Variants in N4BP2 observed in about 807,000 individuals in gnomAD.
The protein encoded by N4BP2 is NEDD4 binding protein 2.
N4BP2 carries 91 observed loss-of-function variants against 152.8 expected under a neutral mutation model. The ratio of observed to expected loss-of-function variants is 0.60; its 90% CI spans 0.50 to 0.71. The LOEUF (loss-of-function observed/expected upper bound fraction) is 0.71. N4BP2 is among the 30% of genes least tolerant of loss of function. N4BP2 has a pLI of 0.00. For missense variants in N4BP2, 1,923 were observed against 2,059.1 expected (o/e 0.93, Z 1.28); for synonymous variants, 646 against 705.3 (o/e 0.92, Z 1.33).
Position 40,097,366 on chromosome 4 carries a change from G to A in N4BP2, c.26G>A (p.Gly9Glu). The change falls in exon 3 of 18, where the codon GGG becomes GAG. Residue 9 changes from glycine to glutamate, a missense_variant. Coordinates refer to ENST00000261435, the MANE Select transcript of N4BP2 (RefSeq NM_018177.6). MPRRRKNL[G>E]GNPFRKTANP... ...ATGCCAAGGAGAAGGAAAAATCTTG[G>A]GGGAAATCCTTTTCGGAAGACTGCA... The A allele has an allele frequency of 1.2e-6, 2 of 1,613,740 alleles. No homozygotes were observed. The highest frequency in any genetic ancestry group is 1.7e-6 in the Non-Finnish European group (2 of 1,179,764).
the N4BP2 span, among the ~76,000 whole-genome samples, chr4:40,179,907 G>A: frequency 6.6e-6 from 1 of 151,926 alleles, no homozygotes; most frequent in African/African-American, 2.4e-5. Flanking sequence ...TGGAATTACA[G>A]GCATGCGCCA....
chr4:40,133,483 A>G (rs1004289388), intron 13 of N4BP2, among the ~76,000 whole-genome samples: 5 of 151,844 alleles, frequency 3.3e-5, no homozygotes, highest in African/African-American at 9.7e-5. Context: ...TTACAGGCGC[A>G]CACCACTACG....
At chr4:40,096,876 G>A (rs1715154425) in intron 2 of N4BP2, among the ~76,000 whole-genome samples, 3 of 152,156 alleles carry the variant, frequency 2.0e-5, no homozygotes, top group South Asian at 2.1e-4. Flanking sequence ...TGAAGGGGGT[G>A]ATGAGGAGCT....
At chr4:40,073,997 G>A (rs1002070097) in intron 2 of N4BP2, among the ~76,000 whole-genome samples, 2 of 151,888 alleles carry the variant, frequency 1.3e-5, no homozygotes, top group Non-Finnish European at 2.9e-5. Context: ...TCTCCATGTT[G>A]GTCAGGCTGG....
chr4:40,097,701 C>A, intron 3 of N4BP2, 132 bp downstream of exon 3: 1 of 631,708 alleles, frequency 1.6e-6, no homozygotes, highest in Non-Finnish European at 2.7e-6. Context: ...CTGCTGTTGG[C>A]AAGTTACTAA....
At position 40,074,034 on chromosome 4, in the gene N4BP2, C is replaced by T. The variant is rs549093585; in HGVS notation, c.-115+483C>T. On this transcript the variant is annotated intron_variant, in intron 2 of 17. Transcript: ENST00000261435. ...CTCAAACTCCCAACCTCAGGTGATC[C>T]GCCCGCCTCAGCCTCCCAAAGTACT... Among the ~76,000 whole-genome samples, 26 of 152,186 alleles carry T rather than the reference C, an allele frequency of 1.7e-4. No homozygotes were observed. In the East Asian group the frequency reaches 3.9e-3, roughly 23 times the overall value.
intron 16 of N4BP2, among the ~76,000 whole-genome samples, chr4:40,150,405 G>A (rs1048729385): frequency 6.6e-6 from 1 of 152,204 alleles, no homozygotes; most frequent in Non-Finnish European, 1.5e-5. Context: ...GATGGCTCAT[G>A]CCTGTAATTC....
At chr4:40,062,233 C>T (rs1043981727) in intron 1 of N4BP2, among the ~76,000 whole-genome samples, 27 of 152,022 alleles carry the variant, frequency 1.8e-4, no homozygotes, top group Admixed American at 6.6e-5. Context: ...TGCCCACCAC[C>T]ACGCCCGGCT....
chr4:40,159,125 T>G (rs1721787746), downstream of N4BP2, among the ~76,000 whole-genome samples: 1 of 152,182 alleles, frequency 6.6e-6, no homozygotes. Context: ...GGTTTGCTGT[T>G]TAATGTCAGA....
intron 16 of N4BP2, among the ~76,000 whole-genome samples, chr4:40,152,540 C>T (rs1721234988): frequency 6.6e-6 from 1 of 152,034 alleles, no homozygotes; most frequent in South Asian, 2.1e-4. Flanking sequence ...GGAAGAAGTC[C>T]CACCAAATCT....
rs969460063 is a variant in N4BP2 at position 40,158,121 on chromosome 4, G to T, written c.*3884G>T. The T allele has an allele frequency of 6.6e-6, 1 of 152,094 alleles. No individual in the cohort carries two copies. The allele number at this position is 152,094 out of a possible 1,614,324, so 9.4% of individuals were successfully genotyped here. A position where few individuals can be genotyped will look rare whatever the true frequency, so the allele number is the denominator to read the frequency against. On this transcript the variant is annotated 3_prime_UTR_variant, in exon 18 of 18. Transcript: ENST00000261435. ...TCAGAAAAATGTTTTTATTTGTACTGTATAGAAAATGTAATTTTGCTGTTA... is the reference window on the plus strand; with the variant it reads ...TCAGAAAAATGTTTTTATTTGTACTTTATAGAAAATGTAATTTTGCTGTTA...
Position 40,156,047 on chromosome 4 carries a change from T to G in N4BP2, c.*1810T>G, listed in dbSNP as rs1721574787. On this transcript the variant is annotated 3_prime_UTR_variant, in exon 18 of 18. Transcript: ENST00000261435. ...AGTTCTATACATTAAAAATAAACATTAAAAATAAAGCAGTTCCTTTAAACA... is the reference window on the plus strand; with the variant it reads ...AGTTCTATACATTAAAAATAAACATGAAAAATAAAGCAGTTCCTTTAAACA... The G allele has an allele frequency of 6.6e-6, 1 of 152,150 alleles. No homozygotes were observed. Among genetic ancestry groups the G allele is most frequent in the Admixed American group, 6.5e-5 (1 of 15,270 alleles). 9.4% of individuals were successfully genotyped at this position (152,150 alleles called of 1,614,324 possible). A position where few individuals can be genotyped will look rare whatever the true frequency, so the allele number is the denominator to read the frequency against.
chr4:40,143,679 T>G (rs1275324582), intron 15 of N4BP2, among the ~76,000 whole-genome samples: 1 of 152,214 alleles, frequency 6.6e-6, no homozygotes, highest in Non-Finnish European at 1.5e-5. Flanking sequence ...AGTATCAAAC[T>G]GCTATAGGCC....
At chr4:40,186,928 A>G in the N4BP2 span, among the ~76,000 whole-genome samples, 12 of 152,006 alleles carry the variant, frequency 7.9e-5, no homozygotes, top group African/African-American at 2.7e-4. Context: ...TTTTTTATCT[A>G]TGGGCCCAAT....
intron 7 of N4BP2, among the ~76,000 whole-genome samples, chr4:40,113,740 T>C (rs78932259): frequency 0.064 from 9,782 of 152,220 alleles, 397 homozygotes; most frequent in Non-Finnish European, 0.085. Flanking sequence ...ACTACCTTTT[T>C]TGAGTTTTAT....
intron 13 of N4BP2, among the ~76,000 whole-genome samples, chr4:40,135,385 T>A (rs1719292888): frequency 6.6e-6 from 1 of 151,616 alleles, no homozygotes; most frequent in Admixed American, 6.6e-5. Context: ...TCTTTGCTAT[T>A]GTGAATAGTG....
At chr4:40,098,996 A>G (rs35631478) in intron 3 of N4BP2, among the ~76,000 whole-genome samples, 27,122 of 152,168 alleles carry the variant, frequency 0.18, 3,145 homozygotes, top group Admixed American at 0.26. Flanking sequence ...AATTATATCT[A>G]CGTTTTTCGT....
the N4BP2 span, among the ~76,000 whole-genome samples, chr4:40,169,746 C>T: frequency 1.3e-5 from 2 of 150,730 alleles, no homozygotes; most frequent in African/African-American, 4.9e-5. Flanking sequence ...GGGTGGATCA[C>T]CTGAGGTCAG....
rs1479947909 is a variant in N4BP2 at position 40,102,609 on chromosome 4, C to T, written c.764C>T (p.Ser255Phe). The T allele has an allele frequency of 2.5e-6, 4 of 1,614,030 alleles. No homozygotes were observed. The highest frequency in any genetic ancestry group is 3.4e-6 in the Non-Finnish European group (4 of 1,180,046). ...LSSSLNVASDSIAGCSSLNQK... is the reference protein window; with the variant it reads ...LSSSLNVASDFIAGCSSLNQK... ...AGTTCTTTAAATGTAGCAAGTGACT[C>T]CATCGCAGGTTGTAGCAGTCTCAAT... The change falls in exon 4 of 18, where the codon TCC becomes TTC. Residue 255 changes from serine (S) to phenylalanine (F), a missense_variant. Coordinates refer to ENST00000261435, the MANE Select transcript of N4BP2 (RefSeq NM_018177.6).
Sources: allele counts gnomAD v4.1 joint callset (sites outside exome capture counted in the v4.1 genomes callset), GRCh38; gene constraint gnomAD v4.1.1; transcripts MANE v1.5; gene names NCBI Gene and HGNC (gene_info 2026-07-23, HGNC 2026-07-21).